RGS11: variants seen among roughly 807,000 people sequenced by gnomAD.
The protein encoded by RGS11 is regulator of G protein signaling 11.
A neutral mutation model predicts 71.1 loss-of-function variants in RGS11; 86 were observed. That is an observed-to-expected ratio of 1.21 (90% CI 1.02 to 1.45). The LOEUF (loss-of-function observed/expected upper bound fraction) is 1.45, where lower values mean the gene tolerates loss of function less well. Among genes scored for constraint, RGS11 ranks in the 40% most tolerant of loss-of-function variants. The pLI is 0.00. For synonymous variants in RGS11, 298 were observed against 254.2 expected (o/e 1.17, Z -1.64); for missense variants, 734 against 635.1 (o/e 1.16, Z -1.67).
In RGS11 at chr16:274,340, T is replaced by G. The variant is rs374676112; in HGVS notation, c.319-75A>C. On this transcript the variant is annotated intron_variant, in intron 4 of 16. Coordinates refer to ENST00000397770, the MANE Select transcript of RGS11 (RefSeq NM_183337.3). ...CCCAGTGTCACCCCACCCTCAGACC[T>G]CCCTGGGAAGAAGCCTGGGCTGGGC... 8.0e-4 allele frequency: 1,198 copies of G among 1,500,656 alleles called. 16 individuals are homozygous for G. The South Asian group carries it at 0.012, about 16-fold the overall frequency. The allele number at this position is 1,500,656 out of a possible 1,614,324, so 93.0% of individuals were successfully genotyped here.
Position 272,276 on chromosome 16 carries a change from G to A in RGS11, c.657+587C>T, listed in dbSNP as rs545009979. The A allele has an allele frequency of 1.3e-3, 1,682 of 1,246,762 alleles. 1 individual carries two copies. Among genetic ancestry groups the A allele is most frequent in the Non-Finnish European group, 1.6e-3 (1,544 of 964,340 alleles). The allele number at this position is 1,246,762 out of a possible 1,614,324, so 77.2% of individuals were successfully genotyped here. A position where few individuals can be genotyped will look rare whatever the true frequency, so the allele number is the denominator to read the frequency against. The stretch of plus-strand genomic sequence containing the variant: ...TCGCTGGGGCCAGAGCGGAGGAGGC[G>A]GACGCGCTGCGAGTCCTGGCCTGTG... On this transcript the variant is annotated intron_variant, in intron 9 of 16. Transcript: ENST00000397770.
intron 9 of RGS11, chr16:272,266 C>T (rs543074559): frequency 8.9e-6 from 11 of 1,235,842 alleles, no homozygotes; most frequent in South Asian, 4.2e-5. Context: ...GGGGCCAGAG[C>T]GGAGGAGGCG....
In RGS11 at chr16:269,021, C is replaced by A; in HGVS notation, c.*248G>T. The A allele has an allele frequency of 7.5e-7, 1 of 1,329,800 alleles. No homozygotes were observed. Among genetic ancestry groups the A allele is most frequent in the Non-Finnish European group, 1.1e-6 (1 of 946,070 alleles). 82.4% of individuals were successfully genotyped at this position (1,329,800 alleles called of 1,614,324 possible). ...CTCTCTTCAGGTAACAGGCTCTGCC[C>A]TGACCCAAGCTGAGCCAATGAACCC... On this transcript the variant is annotated 3_prime_UTR_variant, in exon 17 of 17. Coordinates refer to ENST00000397770, the MANE Select transcript of RGS11 (RefSeq NM_183337.3).
At chr16:275,697 G>GT (rs1567243206) in intron 1 of RGS11, 152 bp downstream of exon 1, 2 of 450,378 alleles carry the variant, frequency 4.4e-6, no homozygotes, top group Non-Finnish European at 7.2e-6. Flanking sequence ...GACCCCCAAG[G>GT]GCCCCAGGCC....
rs1008298293 is a variant in RGS11, at chr16:274,964, C to T, written c.318+12G>A. 6.5e-7 allele frequency: 1 copy of T among 1,542,104 alleles called. No individual in the cohort carries two copies. The highest frequency in any genetic ancestry group is 8.8e-7 in the Non-Finnish European group (1 of 1,142,332). On this transcript the variant is annotated intron_variant, in intron 4 of 16. Coordinates refer to ENST00000397770, the MANE Select transcript of RGS11 (RefSeq NM_183337.3). ...GGTCCCACCGGCTCCCACCTGCACC[C>T]CCGAGCCTGACCTGGAACCTGTAGG...
At position 271,412 on chromosome 16, in the gene RGS11, C is replaced by T. The variant is rs377094004; in HGVS notation, c.736G>A (p.Val246Ile). The T allele has an allele frequency of 3.3e-5, 54 of 1,613,604 alleles. No individual in the cohort carries two copies. Among genetic ancestry groups the T allele is most frequent in the African/African-American group, 5.3e-5 (4 of 74,892 alleles). ...CACCCCACTCACGCCTCAAGGCAGA[C>T]GGAGGACTTCACTCGGGTCCTGCCC... ...ALGRTRVKSS[V>I]CLEAYLSFCG... is the part of the protein sequence containing the mutation. Residue 246 changes from valine to isoleucine, a missense_variant, in exon 11 of 17, where the codon GTC becomes ATC. Transcript: ENST00000397770.
intron 14 of RGS11, 28 bp downstream of exon 14, chr16:270,716 C>T (rs1376874986): frequency 1.2e-6 from 2 of 1,610,750 alleles, no homozygotes; most frequent in South Asian, 2.2e-5. Context: ...GCCCGTTGGC[C>T]AACCGGTGCC....
rs1236768476 is a variant in RGS11 at position 272,879 on chromosome 16, G to GT, written c.640_641insA (p.Ala214AspfsTer14). The GT allele has an allele frequency of 6.5e-7, 1 of 1,540,748 alleles. No individual in the cohort carries two copies. Among genetic ancestry groups the GT allele is most frequent in the Non-Finnish European group, 8.7e-7 (1 of 1,143,510 alleles). The stretch of plus-strand genomic sequence containing the variant: ...GGGGCTCACCATGAGCACACGGCTG[G>GT]CAGCGCAGGATCCCCGCCCTGGACC... On this transcript the variant is annotated frameshift_variant, in exon 9 of 17. Transcript: ENST00000397770. LOFTEE classifies it high-confidence loss of function.
rs369252425 is a variant in RGS11, at chr16:274,036, G to T, written c.429+7C>A. Reference sequence around the variant, plus strand: ...CCAGCCGGGGCGGGAAGGGTGGGGGGTCCCACCTTCTCATAATCCACCAGG... The same window carrying T: ...CCAGCCGGGGCGGGAAGGGTGGGGGTTCCCACCTTCTCATAATCCACCAGG... On this transcript the variant is annotated splice_region_variant and intron_variant, in intron 6 of 16. Transcript: ENST00000397770. 8 of 1,547,848 alleles carry T rather than the reference G, an allele frequency of 5.2e-6. No individual in the cohort carries two copies. The highest frequency in any genetic ancestry group is 7.0e-6 in the Non-Finnish European group (8 of 1,145,866).
intron 9 of RGS11, 139 bp downstream of exon 9, chr16:272,724 G>T: frequency 6.7e-7 from 1 of 1,495,546 alleles, no homozygotes; most frequent in Admixed American, 2.1e-5. Context: ...CCGGGAGTGA[G>T]CAGGGGCTTG....
At chr16:273,665 C>A (rs573150619) in intron 7 of RGS11, 95 bp downstream of exon 7, 5 of 1,515,114 alleles carry the variant, frequency 3.3e-6, no homozygotes, top group Admixed American at 3.5e-5. Flanking sequence ...GTGCCCTCCA[C>A]GGTCCCAGGG....
intron 4 of RGS11, 99 bp downstream of exon 4, chr16:274,877 C>A: frequency 6.7e-7 from 1 of 1,501,632 alleles, no homozygotes; most frequent in Non-Finnish European, 9.0e-7. Context: ...CCACTCCAAT[C>A]CCAGCAAGCT....
intron 5 of RGS11, 29 bp from the exon 6 acceptor site, chr16:274,130 G>A (rs2052061447): frequency 1.3e-6 from 2 of 1,562,040 alleles, no homozygotes; most frequent in African/African-American, 1.4e-5. Flanking sequence ...CCTGCAGAGG[G>A]GCCAGCTCTG....
intron 8 of RGS11, 79 bp from the exon 9 acceptor site, chr16:273,010 A>AC: frequency 1.5e-6 from 2 of 1,297,782 alleles, no homozygotes; most frequent in Non-Finnish European, 2.1e-6. Context: ...CCCCTCCCAG[A>AC]CCCCCATGTG....
rs149964951 is a variant in RGS11 at position 270,792 on chromosome 16, C to T, written c.1019G>A (p.Arg340Gln). ...LSFWEACEEL[R>Q]YGAQAQVPTL... is the part of the protein sequence containing the mutation. ...GGGGACCTGGGCCTGCGCTCCATAT[C>T]GAAGCTCCTCACATGCCTCCCAGAA... Residue 340 changes from arginine to glutamine, a missense_variant, in exon 14 of 17, where the codon CGA (arginine) becomes CAA (glutamine). Arg to Gln is a conservative substitution (Grantham distance 43). Coordinates refer to ENST00000397770, the MANE Select transcript of RGS11 (RefSeq NM_183337.3). 4.0e-5 allele frequency: 65 copies of T among 1,612,540 alleles called. No homozygotes were observed. In the African/African-American group the frequency reaches 4.1e-4, roughly 10 times the overall value.
chr16:273,350 C>T, intron 8 of RGS11, 125 bp downstream of exon 8: 1 of 716,100 alleles, frequency 1.4e-6, no homozygotes, highest in South Asian at 1.9e-5. Context: ...GTCCTGCCCC[C>T]ACCAGGAGCT....
chr16:275,600 G>A, intron 1 of RGS11, 102 bp from the exon 2 acceptor site: 1 of 1,003,752 alleles, frequency 1.0e-6, no homozygotes, highest in Admixed American at 2.8e-5. Context: ...AGATTAACGC[G>A]CGGCGGCGGC....
At position 273,482 on chromosome 16, in the gene RGS11, C is replaced by G. The variant is rs149598088; in HGVS notation, c.581G>C (p.Arg194Thr). ...CQEQTYWLVNRPPPGAPDVLE... is the reference protein window; with the variant it reads ...CQEQTYWLVNTPPPGAPDVLE... ...CACCGCAGGTGGGCTCACCGGGGGC[C>G]TGTTCACCAGCCAGTAGGTCTGCTC... Residue 194 changes from arginine (R) to threonine (T), a missense_variant, in exon 8 of 17, where the codon AGG (arginine) becomes ACG (threonine). By Grantham distance (71) the Arg-to-Thr change is moderately conservative. Transcript: ENST00000397770. 5 of 1,550,884 alleles carry G rather than the reference C, an allele frequency of 3.2e-6. No homozygotes were observed. Among genetic ancestry groups the G allele is most frequent in the Non-Finnish European group, 8.7e-7 (1 of 1,147,544 alleles).
Position 275,056 on chromosome 16 carries a change from C to A in RGS11, c.238G>T (p.Val80Leu), listed in dbSNP as rs1454472668. Residue 80 changes from valine (V) to leucine (L), a missense_variant, in exon 4 of 17, where the codon GTG becomes TTG. Val to Leu is a conservative substitution (Grantham distance 32). Transcript: ENST00000397770. ...AGCGGGTAGATGTAGCCATGCTGCA[C>A]CAGGACGGCGCCCAGGTGCAGGGCC... ...EEALHLGAVL[V>L]QHGYIYPLRD... 2 of 1,485,966 alleles carry A rather than the reference C, an allele frequency of 1.3e-6. No individual in the cohort carries two copies. The highest frequency in any genetic ancestry group is 1.4e-5 in the South Asian group (1 of 72,816). The allele number at this position is 1,485,966 out of a possible 1,614,324, so 92.0% of individuals were successfully genotyped here. A position where few individuals can be genotyped will look rare whatever the true frequency, so the allele number is the denominator to read the frequency against.
Sources: gnomAD v4.1 joint callset for allele counts on GRCh38, gnomAD v4.1.1 for gene constraint, MANE v1.5 for transcripts, NCBI Gene and HGNC (gene_info 2026-07-23, HGNC 2026-07-21) for gene names.